HIPK2: variants seen among roughly 807,000 people sequenced by gnomAD.
HIPK2 encodes homeodomain interacting protein kinase 2, also known as homeodomain-interacting protein kinase 2.
A neutral mutation model predicts 113.7 loss-of-function variants in HIPK2; 27 were observed. The observed-to-expected ratio is 0.24, with a 90% CI of 0.17 to 0.33. The LOEUF is 0.33. HIPK2 is among the 10% of genes least tolerant of loss of function. HIPK2 has a pLI of 1.00. For synonymous variants in HIPK2, 631 were observed against 642.2 expected (o/e 0.98, Z 0.26); for missense variants, 1,257 against 1,588.0 (o/e 0.79, Z 3.54).
intron 1 of HIPK2, among the ~76,000 whole-genome samples, chr7:139,718,385 A>G (rs1414082779): frequency 6.6e-6 from 1 of 152,174 alleles, no homozygotes; most frequent in Non-Finnish European, 1.5e-5. Flanking sequence ...TTTCCACTCC[A>G]TCAACCATCA....
At chr7:139,659,824 G>T (rs1413321996) in intron 2 of HIPK2, among the ~76,000 whole-genome samples, 5 of 152,050 alleles carry the variant, frequency 3.3e-5, no homozygotes, top group Admixed American at 3.3e-4. Flanking sequence ...CCTTTATTCA[G>T]TTCTCCCTGA....
At chr7:139,598,471 T>C (rs1002818913) in intron 11 of HIPK2, among the ~76,000 whole-genome samples, 1 of 152,220 alleles carries the variant, frequency 6.6e-6, no homozygotes, top group Non-Finnish European at 1.5e-5. Context: ...TTTAAGATTA[T>C]GTTTTTCACT....
At chr7:139,629,883 C>T (rs189237276) in intron 4 of HIPK2, among the ~76,000 whole-genome samples, 9 of 152,134 alleles carry the variant, frequency 5.9e-5, no homozygotes, top group African/African-American at 1.9e-4. Flanking sequence ...TTTTACTGGA[C>T]CTGACCTTGA....
intron 10 of HIPK2, among the ~76,000 whole-genome samples, chr7:139,602,922 T>C (rs922102046): frequency 2.0e-5 from 3 of 152,200 alleles, no homozygotes; most frequent in Admixed American, 6.5e-5. Flanking sequence ...CCCCAGGTCA[T>C]GCAGAGCCAG....
intron 1 of HIPK2, among the ~76,000 whole-genome samples, chr7:139,732,195 TTGTG>T (rs1284468837): frequency 6.6e-6 from 1 of 152,206 alleles, no homozygotes; most frequent in South Asian, 2.1e-4. Context: ...ATAGGTGCTT[TTGTG>T]TGTGTGTTTG....
At chr7:139,697,898 C>G (rs1274252834) in intron 2 of HIPK2, among the ~76,000 whole-genome samples, 1 of 139,424 alleles carries the variant, frequency 7.2e-6, no homozygotes, top group Non-Finnish European at 1.5e-5. Flanking sequence ...GAGACGGAGT[C>G]TCGCTCTGTC....
intron 1 of HIPK2, among the ~76,000 whole-genome samples, chr7:139,720,784 G>C (rs753607607): frequency 6.6e-6 from 1 of 152,192 alleles, no homozygotes; most frequent in African/African-American, 2.4e-5. Flanking sequence ...TAAGTACCCG[G>C]AAGGGGGCGG....
intron 2 of HIPK2, among the ~76,000 whole-genome samples, chr7:139,666,952 T>A (rs1375449282): frequency 2.6e-5 from 4 of 151,974 alleles, no homozygotes; most frequent in African/African-American, 9.7e-5. Flanking sequence ...TCCCAGCTAC[T>A]CAGGAGGCTG....
At chr7:139,607,682 T>C (rs1201886835) in intron 9 of HIPK2, among the ~76,000 whole-genome samples, 1 of 152,082 alleles carries the variant, frequency 6.6e-6, no homozygotes, top group Non-Finnish European at 1.5e-5. Flanking sequence ...TTATATAATA[T>C]TGATAATTAT....
intron 2 of HIPK2, among the ~76,000 whole-genome samples, chr7:139,703,765 CACACACTA>C (rs1271566325): frequency 1.8e-4 from 21 of 116,834 alleles, no homozygotes; most frequent in Non-Finnish European, 3.3e-4. Context: ...CACACACACC[CACACACTA>C]CACCCAACAC....
At chr7:139,748,045 T>C (rs1796217591) in intron 1 of HIPK2, among the ~76,000 whole-genome samples, 1 of 152,134 alleles carries the variant, frequency 6.6e-6, no homozygotes, top group Non-Finnish European at 1.5e-5. Context: ...TTTTTTTAAC[T>C]GTCACTTTGT....
Position 139,564,823 on chromosome 7 carries a change from TGTTTA to T in HIPK2, c.*8099_*8103del, listed in dbSNP as rs1473761769. The T allele has an allele frequency of 3.9e-5, 6 of 152,248 alleles. No individual in the cohort carries two copies. Among genetic ancestry groups the T allele is most frequent in the Admixed American group, 3.3e-4 (5 of 15,292 alleles). 9.4% of individuals were successfully genotyped at this position (152,248 alleles called of 1,614,324 possible). On this transcript the variant is annotated 3_prime_UTR_variant, in exon 15 of 15. Transcript: ENST00000406875. ...ATATGCTTAAGTATCCACAGTCAAT[TGTTTA>T]GTTTACTCATTTAAAATGTGACTGT... is the stretch of plus-strand genomic sequence containing the variant.
intron 2 of HIPK2, among the ~76,000 whole-genome samples, chr7:139,669,828 T>A (rs574552708): frequency 6.6e-6 from 1 of 152,290 alleles, no homozygotes; most frequent in South Asian, 2.1e-4. Flanking sequence ...ATTAATTAAA[T>A]ATAAAGAGCT....
At chr7:139,624,265 C>T (rs949269377) in intron 6 of HIPK2, among the ~76,000 whole-genome samples, 3 of 152,276 alleles carry the variant, frequency 2.0e-5, no homozygotes, top group Admixed American at 6.5e-5. Flanking sequence ...TCAGCTGATC[C>T]GCCCTCCTTG....
intron 2 of HIPK2, among the ~76,000 whole-genome samples, chr7:139,712,032 C>T (rs1259914321): frequency 6.6e-6 from 1 of 152,122 alleles, no homozygotes; most frequent in East Asian, 1.9e-4. Flanking sequence ...CAGGGTACTC[C>T]CAGGGAGACT....
intron 11 of HIPK2, among the ~76,000 whole-genome samples, chr7:139,598,101 T>A (rs1357531084): frequency 6.6e-6 from 1 of 152,264 alleles, no homozygotes. Flanking sequence ...ACATGTCAGG[T>A]GTGGAATTTT....
chr7:139,597,430 G>C (rs1799262263), intron 11 of HIPK2, among the ~76,000 whole-genome samples: 1 of 152,174 alleles, frequency 6.6e-6, no homozygotes, highest in Non-Finnish European at 1.5e-5. Context: ...GGGGGTGGTG[G>C]AAGAATTGGT....
chr7:139,654,066 G>GT (rs1248785192), intron 2 of HIPK2, among the ~76,000 whole-genome samples: 1 of 152,154 alleles, frequency 6.6e-6, no homozygotes, highest in East Asian at 1.9e-4. Flanking sequence ...ACAGGTTTGT[G>GT]TATGTGCAGC....
intron 10 of HIPK2, among the ~76,000 whole-genome samples, chr7:139,601,518 A>G (rs1245910288): frequency 6.6e-6 from 1 of 152,224 alleles, no homozygotes; most frequent in Non-Finnish European, 1.5e-5. Flanking sequence ...ATAGCAGCTG[A>G]TCAATTAATT....
Sources: allele counts gnomAD v4.1 joint callset (sites outside exome capture counted in the v4.1 genomes callset), GRCh38; gene constraint gnomAD v4.1.1; transcripts MANE v1.5; gene names NCBI Gene and HGNC (gene_info 2026-07-23, HGNC 2026-07-21).